TRPM3: variants seen among roughly 807,000 people sequenced by gnomAD.
The protein encoded by TRPM3 is long transient receptor potential channel 3.
A neutral mutation model predicts 181.2 loss-of-function variants in TRPM3; 77 were observed. The ratio of observed to expected loss-of-function variants is 0.42; its 90% CI spans 0.35 to 0.51. The LOEUF (loss-of-function observed/expected upper bound fraction) is 0.51, where lower values mean the gene tolerates loss of function less well. TRPM3 is among the 20% of genes least tolerant of loss of function. TRPM3 has a pLI of 0.01. For synonymous variants in TRPM3, 745 were observed against 796.4 expected (o/e 0.94, Z 1.09); for missense variants, 1,759 against 2,196.7 (o/e 0.80, Z 3.98).
At chr9:70,783,761 G>A (rs2130843939) in intron 7 of TRPM3, 1 of 780,744 alleles carries the variant, frequency 1.3e-6, no homozygotes, top group Non-Finnish European at 1.6e-6. Context: ...CAGACTGGAT[G>A]TGCTTCATGT....
chr9:71,299,414 C>T (rs1197170082), intron 1 of TRPM3, among the ~76,000 whole-genome samples: 2 of 151,642 alleles, frequency 1.3e-5, no homozygotes, highest in African/African-American at 4.9e-5. Flanking sequence ...AATATTCTCC[C>T]AATCTTACAA....
intron 2 of TRPM3, among the ~76,000 whole-genome samples, chr9:70,863,458 C>T (rs2095570621): frequency 6.6e-6 from 1 of 152,122 alleles, no homozygotes; most frequent in Non-Finnish European, 1.5e-5. Context: ...GCCCATCTAT[C>T]AAATCTATCA....
intron 1 of TRPM3, among the ~76,000 whole-genome samples, chr9:71,066,502 T>G (rs2061941607): frequency 6.6e-6 from 1 of 152,174 alleles, no homozygotes; most frequent in Admixed American, 6.5e-5. Flanking sequence ...TATAAATGTT[T>G]GTGAATGGGG....
At chr9:70,876,771 T>C (rs1482873986) in intron 1 of TRPM3, among the ~76,000 whole-genome samples, 1 of 152,000 alleles carries the variant, frequency 6.6e-6, no homozygotes, top group African/African-American at 2.4e-5. Flanking sequence ...GCTGGCTTTC[T>C]AATTGTTCCC....
intron 9 of TRPM3, among the ~76,000 whole-genome samples, chr9:70,679,324 C>G (rs905096589): frequency 6.6e-6 from 1 of 152,054 alleles, no homozygotes; most frequent in Admixed American, 6.5e-5. Flanking sequence ...GTATGTCATA[C>G]TCAAAAATGT....
intron 1 of TRPM3, among the ~76,000 whole-genome samples, chr9:70,961,097 C>G (rs998351203): frequency 6.6e-6 from 1 of 151,932 alleles, no homozygotes; most frequent in Admixed American, 6.6e-5. Flanking sequence ...CCTGGTGGGC[C>G]CAGTGTAATC....
In TRPM3 at chr9:71,433,466, AG is replaced by A. The variant is rs200708955; in HGVS notation, c.183+13186del. Among the ~76,000 whole-genome samples, 659 of 152,316 alleles carry A rather than the reference AG, an allele frequency of 4.3e-3. 2 individuals are homozygous for A. The highest frequency in any genetic ancestry group is 0.017 in the Admixed American group (259 of 15,302). ...ATTGTAAGTTTCCAGAGGCCTCCCC[AG>A]TCATGCTGAACTGTGAGTCAATTAA... On this transcript the variant is annotated intron_variant, in intron 1 of 24. Coordinates refer to the TRPM3 transcript ENST00000357533.
intron 5 of TRPM3, among the ~76,000 whole-genome samples, chr9:70,833,954 G>C (rs1192944488): frequency 6.6e-6 from 1 of 152,010 alleles, no homozygotes; most frequent in Non-Finnish European, 1.5e-5. Context: ...CTCTGCGTCT[G>C]AGATAAAGGA....
At position 71,170,219 on chromosome 9, in the gene TRPM3, T is replaced by C. The variant is rs569795990; in HGVS notation, c.183+276434A>G. On this transcript the variant is annotated intron_variant, in intron 1 of 24. Transcript: ENST00000357533. ...AGGGGGAGAAAGTAACAAGGGCCAA[T>C]GAACTAAGTTACAGCAGAATAGAGA... 5.9e-5 allele frequency among the ~76,000 whole-genome samples: 9 copies of C among 151,946 alleles called. No individual in the cohort carries two copies. In the East Asian group the frequency reaches 1.5e-3, roughly 26 times the overall value.
At chr9:71,168,224 G>A (rs998237695) in intron 1 of TRPM3, among the ~76,000 whole-genome samples, 1 of 152,152 alleles carries the variant, frequency 6.6e-6, no homozygotes, top group Non-Finnish European at 1.5e-5. Flanking sequence ...AAAGTGGTAT[G>A]CACAACTGGA....
rs962328904 is a variant in TRPM3 at position 71,420,995 on chromosome 9, G to A, written c.183+25658C>T. Among the ~76,000 whole-genome samples, 18 of 96,528 alleles carry A rather than the reference G, an allele frequency of 1.9e-4. 1 individual carries two copies. The highest frequency in any genetic ancestry group is 6.6e-4 in the East Asian group (3 of 4,540). The allele number at this position is 96,528 out of a possible 152,430, so 63.3% of individuals were successfully genotyped here. A position where few individuals can be genotyped will look rare whatever the true frequency, so the allele number is the denominator to read the frequency against. ...AGAAAAAGAGAGAGAAAAAGAGAGA[G>A]AAAAAGAGAGAAAAAGAGAGAAAAA... On this transcript the variant is annotated intron_variant, in intron 1 of 24. Coordinates refer to the TRPM3 transcript ENST00000357533.
intron 7 of TRPM3, among the ~76,000 whole-genome samples, chr9:70,770,336 C>A (rs1763402485): frequency 6.6e-6 from 1 of 152,226 alleles, no homozygotes; most frequent in Admixed American, 6.5e-5. Flanking sequence ...GCATCTCCCC[C>A]ATAATGCTTA....
At chr9:70,559,743 A>G (rs1200330581) in intron 22 of TRPM3, among the ~76,000 whole-genome samples, 2 of 152,136 alleles carry the variant, frequency 1.3e-5, no homozygotes, top group African/African-American at 4.8e-5. Flanking sequence ...GATCAGTGAC[A>G]TTCTTCTTTT....
chr9:71,060,246 G>GA (rs2061159935), intron 1 of TRPM3, among the ~76,000 whole-genome samples: 1 of 152,072 alleles, frequency 6.6e-6, no homozygotes. Context: ...AAGAAAGTTA[G>GA]AAAAGGGACT....
intron 7 of TRPM3, among the ~76,000 whole-genome samples, chr9:70,767,435 G>T (rs1345065879): frequency 6.6e-6 from 1 of 152,186 alleles, no homozygotes. Context: ...AACTGAAAAA[G>T]TTGTATGCCA....
At chr9:71,008,568 C>T (rs527628801) in intron 1 of TRPM3, among the ~76,000 whole-genome samples, 7 of 152,240 alleles carry the variant, frequency 4.6e-5, no homozygotes, top group Admixed American at 1.3e-4. Flanking sequence ...CATGGCCAGG[C>T]GTGGTGGCTC....
chr9:70,857,726 G>T (rs1164713468), intron 3 of TRPM3, among the ~76,000 whole-genome samples: 1 of 152,150 alleles, frequency 6.6e-6, no homozygotes, highest in Non-Finnish European at 1.5e-5. Context: ...AACTTCTCTA[G>T]GCGCAGATTA....
rs529782243 is a variant in TRPM3, at chr9:71,109,277, C to T, written c.177+11901G>A. 3.1e-4 allele frequency among the ~76,000 whole-genome samples: 47 copies of T among 152,040 alleles called. 1 individual carries two copies. In the South Asian group the frequency reaches 7.1e-3, roughly 23 times the overall value. On this transcript the variant is annotated intron_variant, in intron 1 of 25. Transcript: ENST00000677713. ...AATAATCTCTTTCAATATATATATACATCCTACTGCTTCTGGTTTGTTTTT... is the reference window on the plus strand; with the variant it reads ...AATAATCTCTTTCAATATATATATATATCCTACTGCTTCTGGTTTGTTTTT...
chr9:70,677,292 A>G (rs1002551503), intron 9 of TRPM3, among the ~76,000 whole-genome samples: 10 of 152,158 alleles, frequency 6.6e-5, no homozygotes, highest in African/African-American at 2.4e-4. Flanking sequence ...CCCTTAATCT[A>G]CATATAATTA....
Sources: allele counts gnomAD v4.1 joint callset (sites outside exome capture counted in the v4.1 genomes callset), GRCh38; gene constraint gnomAD v4.1.1; transcripts MANE v1.5; gene names NCBI Gene and HGNC (gene_info 2026-07-23, HGNC 2026-07-21).